Variants in PTPRG observed in about 807,000 individuals in gnomAD.
The protein encoded by PTPRG is receptor-type tyrosine-protein phosphatase gamma.
In PTPRG, 102 loss-of-function variants were observed where a neutral mutation model predicts 165.3. That is an observed-to-expected ratio of 0.62 (90% CI 0.53 to 0.73). The LOEUF is 0.73. Among genes scored for constraint, PTPRG ranks in the 30% least tolerant of loss-of-function variants. PTPRG has a pLI of 0.00. For missense variants in PTPRG, 1,866 were observed against 1,861.4 expected (o/e 1.00, Z -0.05); for synonymous variants, 675 against 669.5 (o/e 1.01, Z -0.13).
chr3:62,281,340 C>T, intron 26 of PTPRG, among the ~76,000 whole-genome samples: 1 of 151,816 alleles, frequency 6.6e-6, no homozygotes, highest in Non-Finnish European at 1.5e-5. Context: ...GGTTGCTACA[C>T]TAACAGGTGA....
chr3:61,584,300 T>A (rs1284730565), intron 1 of PTPRG, among the ~76,000 whole-genome samples: 1 of 152,194 alleles, frequency 6.6e-6, no homozygotes, highest in Non-Finnish European at 1.5e-5. Context: ...GAGGATGAGA[T>A]GAATGCTGAG....
chr3:61,958,871 T>G (rs2040090931), intron 2 of PTPRG, among the ~76,000 whole-genome samples: 1 of 152,184 alleles, frequency 6.6e-6, no homozygotes, highest in African/African-American at 2.4e-5. Context: ...ACGAACTTAC[T>G]TTAGGCAAAG....
At chr3:61,647,740 T>C (rs180749919) in intron 1 of PTPRG, among the ~76,000 whole-genome samples, 145 of 126,868 alleles carry the variant, frequency 1.1e-3, no homozygotes, top group African/African-American at 3.5e-3. Flanking sequence ...TGCAGTGAGC[T>C]GAGATCACAC....
intron 1 of PTPRG, among the ~76,000 whole-genome samples, chr3:61,649,147 C>G (rs1315915032): frequency 6.9e-6 from 1 of 144,624 alleles, no homozygotes; most frequent in African/African-American, 2.6e-5. Flanking sequence ...TCCCTTTTCA[C>G]TTCCCTCCCT....
intron 2 of PTPRG, among the ~76,000 whole-genome samples, chr3:61,975,460 G>C (rs762700989): frequency 4.2e-4 from 64 of 152,102 alleles, no homozygotes; most frequent in Non-Finnish European, 7.6e-4. Context: ...GGTGCTGTAT[G>C]GGGCCTCAGA....
chr3:61,943,406 C>T (rs977143747), intron 2 of PTPRG, among the ~76,000 whole-genome samples: 29 of 152,144 alleles, frequency 1.9e-4, no homozygotes, highest in African/African-American at 6.8e-4. Context: ...GCCTGGCCAA[C>T]ATGGCGCAAC....
intron 1 of PTPRG, among the ~76,000 whole-genome samples, chr3:61,669,894 G>C (rs1000751001): frequency 6.6e-6 from 1 of 152,160 alleles, no homozygotes; most frequent in Non-Finnish European, 1.5e-5. Context: ...GTGGTGATCA[G>C]TGTGCTTAGT....
intron 2 of PTPRG, among the ~76,000 whole-genome samples, chr3:61,780,845 G>A (rs1233889890): frequency 6.6e-6 from 1 of 152,242 alleles, no homozygotes; most frequent in Non-Finnish European, 1.5e-5. Context: ...AAATTAAAAT[G>A]TGTGCCTATG....
At chr3:61,617,824 C>G (rs1166497233) in intron 1 of PTPRG, among the ~76,000 whole-genome samples, 1 of 152,120 alleles carries the variant, frequency 6.6e-6, no homozygotes, top group Non-Finnish European at 1.5e-5. Context: ...CCTTCTATAT[C>G]TTCTTTGTTG....
intron 12 of PTPRG, among the ~76,000 whole-genome samples, chr3:62,215,168 A>G (rs1559661998): frequency 6.6e-6 from 1 of 152,316 alleles, no homozygotes; most frequent in African/African-American, 2.4e-5. Context: ...ACTCAGGGGT[A>G]TCCTGAGGGC....
chr3:61,755,486 T>C (rs1281989021), intron 2 of PTPRG, among the ~76,000 whole-genome samples: 1 of 152,378 alleles, frequency 6.6e-6, no homozygotes, highest in South Asian at 2.1e-4. Context: ...TTATCTTTTC[T>C]ACATATCCCT....
chr3:61,863,255 C>G (rs1032775187), intron 2 of PTPRG, among the ~76,000 whole-genome samples: 1 of 152,204 alleles, frequency 6.6e-6, no homozygotes, highest in Non-Finnish European at 1.5e-5. Context: ...TTCTTCACTC[C>G]TCTTCTTTAA....
intron 2 of PTPRG, among the ~76,000 whole-genome samples, chr3:61,786,015 C>T (rs778897388): frequency 1.7e-4 from 26 of 152,136 alleles, no homozygotes; most frequent in Non-Finnish European, 3.4e-4. Flanking sequence ...AAACAGGAAG[C>T]GACAACTACT....
chr3:62,094,903 G>T (rs908630815), intron 5 of PTPRG, among the ~76,000 whole-genome samples: 1 of 152,186 alleles, frequency 6.6e-6, no homozygotes, highest in Non-Finnish European at 1.5e-5. Flanking sequence ...CCCACATCAG[G>T]AAGGCTGCGA....
At chr3:62,108,411 A>G (rs1202192438) in intron 5 of PTPRG, among the ~76,000 whole-genome samples, 1 of 152,174 alleles carries the variant, frequency 6.6e-6, no homozygotes, top group African/African-American at 2.4e-5. Flanking sequence ...TCCATGGTGT[A>G]TATGTACCAC....
At position 62,031,014 on chromosome 3, in the gene PTPRG, C is replaced by A. The variant is rs117862784; in HGVS notation, c.519+27517C>A. 4.9e-4 allele frequency among the ~76,000 whole-genome samples: 74 copies of A among 152,278 alleles called. No homozygotes were observed. The East Asian group carries it at 0.014, about 29-fold the overall frequency. ...CTGAAATTTCCACTGGCTAAACGGGCAACTCTAATAGAACCTTTATGGCTG... is the reference window on the plus strand; with the variant it reads ...CTGAAATTTCCACTGGCTAAACGGGAAACTCTAATAGAACCTTTATGGCTG... On this transcript the variant is annotated intron_variant, in intron 4 of 29. Transcript: ENST00000474889.
chr3:62,074,344 T>TTTTCTTTTCTTTC (rs369755117), intron 4 of PTPRG, among the ~76,000 whole-genome samples: 1 of 124,280 alleles, frequency 8.0e-6, no homozygotes, highest in African/African-American at 3.4e-5. Context: ...CTTTCTTTTC[T>TTTTCTTTTCTTTC]TTTCTTTCTT....
At chr3:61,934,187 A>G (rs1040973724) in intron 2 of PTPRG, among the ~76,000 whole-genome samples, 34 of 152,204 alleles carry the variant, frequency 2.2e-4, no homozygotes, top group African/African-American at 7.2e-4. Flanking sequence ...ATTAAGTTTT[A>G]TATATGCATA....
chr3:62,025,987 T>G (rs565027451), intron 4 of PTPRG, among the ~76,000 whole-genome samples: 40 of 152,340 alleles, frequency 2.6e-4, no homozygotes, highest in Non-Finnish European at 4.6e-4. Flanking sequence ...CTTAAGTGAT[T>G]TCTTTTTCAA....
Sources: gnomAD v4.1 joint callset for allele counts (sites outside exome capture counted in the v4.1 genomes callset) on GRCh38, gnomAD v4.1.1 for gene constraint, MANE v1.5 for transcripts, NCBI Gene and HGNC (gene_info 2026-07-23, HGNC 2026-07-21) for gene names.